MDGA1: variants seen among roughly 807,000 people sequenced by gnomAD.
MDGA1 encodes MAM domain containing glycosylphosphatidylinositol anchor 1.
MDGA1 carries 54 observed loss-of-function variants against 101.5 expected under a neutral mutation model. That is an observed-to-expected ratio of 0.53 (90% CI 0.43 to 0.67). The LOEUF (loss-of-function observed/expected upper bound fraction) is 0.67. MDGA1 is among the 30% of genes least tolerant of loss of function. MDGA1 has a pLI of 0.00. For missense variants in MDGA1, 1,083 were observed against 1,323.8 expected, an observed-to-expected ratio of 0.82 and a Z score of 2.82; for synonymous variants, 533 against 558.3, an observed-to-expected ratio of 0.95 and a Z score of 0.64.
intron 12 of MDGA1, 76 bp from the exon 13 acceptor site, chr6:37,644,725 C>G (rs934149338): frequency 1.6e-5 from 22 of 1,369,122 alleles, no homozygotes; most frequent in Middle Eastern, 1.9e-4. Context: ...CCTCTCACCC[C>G]CCAGAGGCAG....
In MDGA1 at chr6:37,649,054, C is replaced by A. The variant is rs774871387; in HGVS notation, c.1822G>T (p.Asp608Tyr). 3.2e-6 allele frequency: 5 copies of A among 1,543,892 alleles called. No homozygotes were observed. The highest frequency in any genetic ancestry group is 4.4e-6 in the Non-Finnish European group (5 of 1,145,120). Reference protein sequence around the residue: ...AELRLDAVTRDSSGSYECSVS... With the variant: ...AELRLDAVTRYSSGSYECSVS... ...CTGCACTCGTAGCTGCCGCTGCTGTCGCGAGTTACGGCGTCGAGGCGCAGC... is the reference window on the plus strand; with the variant it reads ...CTGCACTCGTAGCTGCCGCTGCTGTAGCGAGTTACGGCGTCGAGGCGCAGC... The change falls in exon 9 of 17, where the codon GAC (aspartate) becomes TAC (tyrosine). Residue 608 changes from aspartate (D) to tyrosine (Y), a missense_variant. By Grantham distance (160) the Asp-to-Tyr change is radical (BLOSUM62 -3). Coordinates refer to ENST00000434837, the MANE Select transcript of MDGA1 (RefSeq NM_153487.4).
At chr6:37,642,916 A>G (rs1764124588) in intron 14 of MDGA1, among the ~76,000 whole-genome samples, 1 of 152,226 alleles carries the variant, frequency 6.6e-6, no homozygotes. Context: ...GATGGCTGAC[A>G]CTGGTTATGT....
At chr6:37,661,367 G>A (rs1044706214) in intron 2 of MDGA1, among the ~76,000 whole-genome samples, 3 of 152,258 alleles carry the variant, frequency 2.0e-5, no homozygotes, top group Non-Finnish European at 4.4e-5. Context: ...TTTGGAGTGA[G>A]GCACTCCATG....
chr6:37,665,211 C>A (rs1369411040), intron 1 of MDGA1, among the ~76,000 whole-genome samples: 2 of 152,178 alleles, frequency 1.3e-5, no homozygotes, highest in South Asian at 4.1e-4. Context: ...CCCAGCCCCC[C>A]AGTGCTTAAA....
chr6:37,666,099 G>A (rs1356359415), intron 1 of MDGA1, among the ~76,000 whole-genome samples: 2 of 151,412 alleles, frequency 1.3e-5, no homozygotes, highest in African/African-American at 4.9e-5. Context: ...TGTAATCCCA[G>A]CCCTTTGGGA....
intron 1 of MDGA1, among the ~76,000 whole-genome samples, chr6:37,681,660 C>T (rs1245805923): frequency 2.0e-5 from 3 of 152,252 alleles, no homozygotes; most frequent in East Asian, 1.9e-4. Context: ...TGCACTTGCA[C>T]GAGGCAGAGA....
chr6:37,658,385 T>A lies in MDGA1; in HGVS notation c.242A>T (p.Asp81Val). ...RWTKTAGSAS[D>V]KFQETSVFNE... ...GAACACCGATGTCTCCTGGAACTTG[T>A]CCGAGGCGCTACCTGCCGTCTTGGT... is the stretch of plus-strand genomic sequence containing the variant. The change falls in exon 3 of 17, where the codon GAC (aspartate) becomes GTC (valine). Residue 81 changes from aspartate (D) to valine (V), a missense_variant. This residue lies in a region of MDGA1 where 310 missense variants were observed against 355.9 expected (regional missense o/e 0.87). Transcript: ENST00000434837. The A allele has an allele frequency of 6.2e-7, 1 of 1,611,682 alleles. No homozygotes were observed. Among genetic ancestry groups the A allele is most frequent in the Non-Finnish European group, 8.5e-7 (1 of 1,179,034 alleles).
chr6:37,653,997 C>A (rs1761425397), intron 6 of MDGA1, among the ~76,000 whole-genome samples: 1 of 152,154 alleles, frequency 6.6e-6, no homozygotes, highest in Non-Finnish European at 1.5e-5. Flanking sequence ...TGTAGGTAAT[C>A]AATCCTAGCC....
rs762672232 is a variant in MDGA1 at position 37,632,846 on chromosome 6, C to G, written c.*4522G>C. The G allele has an allele frequency of 5.9e-5, 9 of 152,792 alleles. No individual in the cohort carries two copies. Among genetic ancestry groups the G allele is most frequent in the Non-Finnish European group, 1.3e-4 (9 of 68,184 alleles). 9.5% of individuals were successfully genotyped at this position (152,792 alleles called of 1,614,324 possible). On this transcript the variant is annotated 3_prime_UTR_variant, in exon 17 of 17. Transcript: ENST00000434837. ...GGTGCAGCCCCTTCCCTCCCTGACC[C>G]TTCTCCTGGGCTGGGGATAAAGGCC...
chr6:37,655,577 G>T lies in MDGA1; in HGVS notation c.579+123C>A. 1 of 743,932 alleles carries T rather than the reference G, an allele frequency of 1.3e-6. No individual in the cohort carries two copies. Among genetic ancestry groups the T allele is most frequent in the Non-Finnish European group, 2.2e-6 (1 of 456,388 alleles). 46.1% of individuals were successfully genotyped at this position (743,932 alleles called of 1,614,324 possible). ...GCTGTCTGAACTCCAATCAGAATGT[G>T]TGTTTCCAAAGTAAGAATAGAATTG... On this transcript the variant is annotated intron_variant, in intron 4 of 16. Transcript: ENST00000434837. The surrounding 1 kb of genome is among the most constrained non-coding windows in gnomAD (Gnocchi z 5.1).
chr6:37,637,669 A>G (rs1004691793), intron 16 of MDGA1, among the ~76,000 whole-genome samples: 7 of 152,262 alleles, frequency 4.6e-5, no homozygotes, highest in African/African-American at 1.4e-4. Context: ...GCCAGGGTTC[A>G]CATTCACTAA....
At chr6:37,647,418 G>A (rs953616336) in intron 9 of MDGA1, 94 bp from the exon 10 acceptor site, 16 of 749,130 alleles carry the variant, frequency 2.1e-5, no homozygotes, top group African/African-American at 3.6e-5. Flanking sequence ...AGGATGAGGT[G>A]GAAAACAGAG....
At position 37,647,244 on chromosome 6, in the gene MDGA1, C is replaced by T. The variant is rs770992666; in HGVS notation, c.1975G>A (p.Val659Met). 2.8e-5 allele frequency: 45 copies of T among 1,582,740 alleles called. 1 individual carries two copies. The highest frequency in any genetic ancestry group is 3.5e-5 in the South Asian group (3 of 86,350). ...SHKLSKNYSY[V>M]LQWTQREPDA... is the part of the protein sequence containing the mutation. ...GGCTCCCTCTGAGTCCACTGCAGCA[C>T]GTAGGAGTAGTTCTTGGACAGCTTG... Residue 659 changes from valine to methionine, a missense_variant, in exon 10 of 17, where the codon GTG becomes ATG. Val to Met is a conservative substitution (Grantham distance 21). This residue lies in a region of MDGA1 where 657 missense variants were observed against 771.4 expected (regional missense o/e 0.85). Transcript: ENST00000434837.
intron 14 of MDGA1, among the ~76,000 whole-genome samples, chr6:37,641,348 G>A (rs560090558): frequency 2.0e-5 from 3 of 152,120 alleles, no homozygotes; most frequent in Non-Finnish European, 4.4e-5. Flanking sequence ...ATATCACTGC[G>A]GGCTGGAGGT....
intron 1 of MDGA1, 55 bp from the exon 2 acceptor site, chr6:37,664,161 A>G: frequency 1.2e-6 from 2 of 1,606,864 alleles, no homozygotes; most frequent in Non-Finnish European, 1.7e-6. Flanking sequence ...AGGCCAGAAG[A>G]AGTCTGGGGC....
chr6:37,681,198 A>G (rs1762090088), intron 1 of MDGA1, among the ~76,000 whole-genome samples: 1 of 152,176 alleles, frequency 6.6e-6, no homozygotes, highest in South Asian at 2.1e-4. Context: ...TCCCTGTCTC[A>G]GGTCAGGGCT....
intron 2 of MDGA1, among the ~76,000 whole-genome samples, chr6:37,661,381 C>T (rs751840011): frequency 1.3e-4 from 20 of 152,144 alleles, no homozygotes; most frequent in Non-Finnish European, 2.8e-4. Flanking sequence ...CTCCATGTTC[C>T]CTCAGTCCCT....
At chr6:37,663,924 T>G (rs546747861) in intron 2 of MDGA1, 43 bp downstream of exon 2, 31 of 1,607,660 alleles carry the variant, frequency 1.9e-5, no homozygotes, top group Non-Finnish European at 2.6e-5. Flanking sequence ...CTAGGCAAGG[T>G]GAGGGTAGGA....
intron 1 of MDGA1, among the ~76,000 whole-genome samples, chr6:37,683,980 G>A (rs1762147288): frequency 6.6e-6 from 1 of 152,126 alleles, no homozygotes; most frequent in Non-Finnish European, 1.5e-5. Flanking sequence ...ATTGCCTAAT[G>A]ACCCCTCTAC....
Sources: gnomAD v4.1 joint callset for allele counts (sites outside exome capture counted in the v4.1 genomes callset) on GRCh38, gnomAD v4.1.1 for gene constraint, gnomAD v4.1.1 regional missense constraint, Gnocchi (gnomAD v3.1) non-coding constraint, MANE v1.5 for transcripts, NCBI Gene and HGNC (gene_info 2026-07-23, HGNC 2026-07-21) for gene names.